Variants in CSTPP1 observed in about 807,000 individuals in gnomAD.
CSTPP1 encodes UPF0705 protein C11orf49.
the CSTPP1 span, among the ~76,000 whole-genome samples, chr11:47,010,961 G>A: frequency 3.3e-5 from 5 of 152,144 alleles, no homozygotes; most frequent in Admixed American, 6.5e-5. Context: ...CATCTAATAA[G>A]TTTCCCAAGA....
chr11:47,095,456 C>T, the CSTPP1 span, among the ~76,000 whole-genome samples: 1 of 152,228 alleles, frequency 6.6e-6, no homozygotes, highest in South Asian at 2.1e-4. Flanking sequence ...CCTTCAAAGC[C>T]TTAAATGATA....
At chr11:47,163,695 T>G in the CSTPP1 span, among the ~76,000 whole-genome samples, 3 of 152,156 alleles carry the variant, frequency 2.0e-5, no homozygotes, top group African/African-American at 7.2e-5. Flanking sequence ...CAAGCTGGGG[T>G]GCAGTGGCGC....
At chr11:47,076,831 C>G in the CSTPP1 span, among the ~76,000 whole-genome samples, 9 of 148,494 alleles carry the variant, frequency 6.1e-5, no homozygotes, top group Admixed American at 3.4e-4. Flanking sequence ...AAGACTCTGT[C>G]TCCAAAAAAA....
the CSTPP1 span, among the ~76,000 whole-genome samples, chr11:47,010,135 G>A: frequency 6.6e-6 from 1 of 152,224 alleles, no homozygotes; most frequent in Non-Finnish European, 1.5e-5. Context: ...TTTAAAGAAT[G>A]TGTAGATAAT....
chr11:47,011,026 A>G, the CSTPP1 span, among the ~76,000 whole-genome samples: 1 of 152,138 alleles, frequency 6.6e-6, no homozygotes, highest in Non-Finnish European at 1.5e-5. Flanking sequence ...CCCCCCAAAC[A>G]CTTCCTAATA....
the CSTPP1 span, among the ~76,000 whole-genome samples, chr11:47,017,972 A>G: frequency 6.6e-6 from 1 of 152,154 alleles, no homozygotes; most frequent in African/African-American, 2.4e-5. Flanking sequence ...CCAGCTTTAT[A>G]CAGTATATAA....
At chr11:46,939,930 G>A in the CSTPP1 span, among the ~76,000 whole-genome samples, 4 of 151,998 alleles carry the variant, frequency 2.6e-5, no homozygotes, top group African/African-American at 9.7e-5. Context: ...GAGTGCAGTG[G>A]CACCATCTCG....
chr11:47,151,803 G>A, the CSTPP1 span, among the ~76,000 whole-genome samples: 3 of 151,610 alleles, frequency 2.0e-5, no homozygotes, highest in Non-Finnish European at 2.9e-5. Context: ...GAAAGCCCTC[G>A]CCTCTGTCTG....
At chr11:47,058,234 G>A in the CSTPP1 span, among the ~76,000 whole-genome samples, 4 of 152,098 alleles carry the variant, frequency 2.6e-5, no homozygotes, top group East Asian at 3.9e-4. Context: ...TGGCTGAGGC[G>A]GGAGGATTGC....
chr11:47,160,282 A>G, the CSTPP1 span: 2 of 145,204 alleles, frequency 1.4e-5, no homozygotes, highest in African/African-American at 5.3e-5. Context: ...CCTGGGTGAC[A>G]AAGCAAAACT....
chr11:46,952,361 T>C, the CSTPP1 span, among the ~76,000 whole-genome samples: 1 of 152,232 alleles, frequency 6.6e-6, no homozygotes, highest in Non-Finnish European at 1.5e-5. Context: ...GTGCTCACAT[T>C]TCATAGGTGA....
At chr11:46,970,890 T>C in the CSTPP1 span, among the ~76,000 whole-genome samples, 231 of 152,268 alleles carry the variant, frequency 1.5e-3, 1 homozygote, top group Non-Finnish European at 2.5e-3. Flanking sequence ...AAGGGAACAA[T>C]TAATAAATTA....
chr11:47,006,268 T>C, the CSTPP1 span, among the ~76,000 whole-genome samples: 3 of 152,208 alleles, frequency 2.0e-5, no homozygotes, highest in African/African-American at 7.2e-5. Flanking sequence ...AGATAAATTC[T>C]AGGTTGGCAG....
the CSTPP1 span, among the ~76,000 whole-genome samples, chr11:46,952,165 TGAAAGGCAGGGTCTGCTTTAG>T: frequency 6.6e-6 from 1 of 152,232 alleles, no homozygotes; most frequent in Non-Finnish European, 1.5e-5. Flanking sequence ...ATCCAGGATG[TGAAAGGCAGGGTCTGCTTTAG>T]GAAGTCATCA....
the CSTPP1 span, among the ~76,000 whole-genome samples, chr11:47,151,819 G>A: frequency 1.1e-4 from 16 of 151,664 alleles, no homozygotes; most frequent in African/African-American, 3.2e-4. Context: ...GTCTGCACCC[G>A]CTTCACTCGC....
chr11:46,956,773 T>G, the CSTPP1 span, among the ~76,000 whole-genome samples: 1 of 152,108 alleles, frequency 6.6e-6, no homozygotes, highest in Non-Finnish European at 1.5e-5. Flanking sequence ...TTATAGAAGA[T>G]GAGGATTTAG....
chr11:46,991,984 G>T, the CSTPP1 span, among the ~76,000 whole-genome samples: 1 of 152,072 alleles, frequency 6.6e-6, no homozygotes, highest in African/African-American at 2.4e-5. Flanking sequence ...CAAGTGATCT[G>T]CCCGCCTTGG....
chr11:47,076,667 C>G, the CSTPP1 span, among the ~76,000 whole-genome samples: 3 of 151,922 alleles, frequency 2.0e-5, no homozygotes, highest in East Asian at 5.8e-4. Context: ...ATGGCAAAAC[C>G]CCGTCTCTAC....
At chr11:47,006,727 C>A in the CSTPP1 span, among the ~76,000 whole-genome samples, 1 of 150,670 alleles carries the variant, frequency 6.6e-6, no homozygotes, top group Non-Finnish European at 1.5e-5. Flanking sequence ...TGGCTGGGAC[C>A]ACAGTTGCAC....
Sources: gnomAD v4.1 joint callset for allele counts (sites outside exome capture counted in the v4.1 genomes callset) on GRCh38, gnomAD v4.1.1 for gene constraint, MANE v1.5 for transcripts, NCBI Gene and HGNC (gene_info 2026-07-23, HGNC 2026-07-21) for gene names.